OR7C1: variants seen among roughly 807,000 people sequenced by gnomAD.
The protein encoded by OR7C1 is olfactory receptor family 7 subfamily C member 1, also known as olfactory receptor 7C1.
For synonymous variants in OR7C1, 152 were observed against 160.7 expected, an observed-to-expected ratio of 0.95 and a Z score of 0.41; for missense variants, 324 against 383.3, an observed-to-expected ratio of 0.85 and a Z score of 1.29.
At chr19:14,815,216 G>A (rs769766192) in intron 1 of OR7C1, among the ~76,000 whole-genome samples, 63 of 152,314 alleles carry the variant, frequency 4.1e-4, no homozygotes, top group Admixed American at 7.2e-4. Flanking sequence ...ACTGTGGACT[G>A]GCTCTGGCTC....
intron 2 of OR7C1, among the ~76,000 whole-genome samples, chr19:14,805,673 C>T (rs2044663339): frequency 6.6e-6 from 1 of 151,852 alleles, no homozygotes; most frequent in Admixed American, 6.6e-5. Flanking sequence ...TCTCGGCCTC[C>T]CAAAGTGCTG....
At chr19:14,816,937 C>T (rs1008868132) in intron 1 of OR7C1, among the ~76,000 whole-genome samples, 1 of 152,030 alleles carries the variant, frequency 6.6e-6, no homozygotes, top group African/African-American at 2.4e-5. Flanking sequence ...TCCTTACTGT[C>T]CAGACAGGAG....
Position 14,815,784 on chromosome 19 carries a change from C to CGTGTGTGTGT in OR7C1, c.-622-5801_-622-5792dup, listed in dbSNP as rs34655691. Among the ~76,000 whole-genome samples the CGTGTGTGTGT allele has an allele frequency of 9.3e-4, 136 of 146,716 alleles. 1 individual carries two copies. Among genetic ancestry groups the CGTGTGTGTGT allele is most frequent in the African/African-American group, 3.0e-3 (120 of 39,772 alleles). On this transcript the variant is annotated intron_variant, in intron 1 of 4. Transcript: ENST00000641666. ...GTTTCCTTGAGTCTCTGAGTTTGTG[C>CGTGTGTGTGT]GTGTGTGTGTGTGTGTGTGTGTGTG...
chr19:14,832,788 TA>T (rs1446273464), intron 1 of OR7C1, among the ~76,000 whole-genome samples: 2 of 152,118 alleles, frequency 1.3e-5, no homozygotes, highest in Admixed American at 6.6e-5. Context: ...ATTATAAAAT[TA>T]GAAAGAATGG....
chr19:14,803,341 G>C (rs1329521757), intron 2 of OR7C1, among the ~76,000 whole-genome samples: 1 of 150,718 alleles, frequency 6.6e-6, no homozygotes, highest in African/African-American at 2.4e-5. Context: ...AGATTGGTTG[G>C]ACCAGGTGTG....
chr19:14,800,292 T>C (rs2044635240), exon 4 of OR7C1: 2 of 798,322 alleles, frequency 2.5e-6, no homozygotes, highest in Non-Finnish European at 3.9e-6. Flanking sequence ...CATCTGAAAT[T>C]CTTCCATCCT....
intron 1 of OR7C1, among the ~76,000 whole-genome samples, chr19:14,834,029 G>A (rs1486228734): frequency 8.0e-6 from 1 of 124,582 alleles, no homozygotes; most frequent in Non-Finnish European, 1.8e-5. Context: ...GGAGGCTGAG[G>A]CAAGTAAATT....
rs113251988 is a variant in OR7C1 at position 14,827,839 on chromosome 19, T to C, written c.-623+7235A>G. 1.9e-5 allele frequency: 31 copies of C among 1,614,180 alleles called. No individual in the cohort carries two copies. In the African/African-American group the frequency reaches 2.4e-4, roughly 12 times the overall value. ...AGTCCACAGAGGTGAGGGTTCATAA[T>C]GACCATGTAGTGCAGGGGGTGACAG... On this transcript the variant is annotated intron_variant, in intron 1 of 4. Transcript: ENST00000641666.
exon 5 of OR7C1, chr19:14,799,484 T>A: frequency 6.2e-7 from 1 of 1,614,046 alleles, no homozygotes; most frequent in East Asian, 2.2e-5. Context: ...AATTTTATAG[T>A]AAGAGAAAAA....
intron 2 of OR7C1, among the ~76,000 whole-genome samples, chr19:14,801,798 A>G (rs66664513): frequency 0.2 from 30,643 of 152,110 alleles, 3,277 homozygotes; most frequent in Admixed American, 0.24. Context: ...CAGCAGAGAG[A>G]GAGAGAGCGC....
chr19:14,833,463 G>C (rs1022171502), intron 1 of OR7C1, among the ~76,000 whole-genome samples: 1 of 152,172 alleles, frequency 6.6e-6, no homozygotes, highest in Admixed American at 6.5e-5. Flanking sequence ...TGGTTGACAG[G>C]GCGAGACTCC....
intron 1 of OR7C1, among the ~76,000 whole-genome samples, chr19:14,822,373 CTTTTTTTTTTTTTTTTTTT>C (rs1162241411): frequency 1.5e-5 from 1 of 67,694 alleles, no homozygotes; most frequent in Admixed American, 2.2e-4. Flanking sequence ...TATCTCCTGT[CTTTTTTTTTTTTTTTTTTT>C]TTTTTTTTTT....
chr19:14,830,653 A>G (rs1402215973), intron 1 of OR7C1, among the ~76,000 whole-genome samples: 1 of 152,206 alleles, frequency 6.6e-6, no homozygotes, highest in Non-Finnish European at 1.5e-5. Context: ...GTCGGTTTTA[A>G]TGATTATTAA....
At chr19:14,810,031 G>A (rs1316998764) in intron 1 of OR7C1, 38 bp from the exon 2 acceptor site, 2 of 151,906 alleles carry the variant, frequency 1.3e-5, no homozygotes, top group Non-Finnish European at 2.9e-5. Context: ...GAGAACCGGA[G>A]GCTGAATTCT....
At chr19:14,810,564 T>TTA (rs1555694762) in intron 1 of OR7C1, among the ~76,000 whole-genome samples, 1 of 148,852 alleles carries the variant, frequency 6.7e-6, no homozygotes, top group African/African-American at 2.5e-5. Flanking sequence ...TTTTTTTTTT[T>TTA]ATAGTGGAGA....
At chr19:14,803,715 A>C (rs918233665) in intron 2 of OR7C1, among the ~76,000 whole-genome samples, 1 of 147,172 alleles carries the variant, frequency 6.8e-6, no homozygotes, top group Non-Finnish European at 1.5e-5. Context: ...AATAATAATA[A>C]TTTTTTTTTT....
At chr19:14,801,584 T>G (rs1316917623) in intron 2 of OR7C1, among the ~76,000 whole-genome samples, 1 of 152,184 alleles carries the variant, frequency 6.6e-6, no homozygotes, top group Non-Finnish European at 1.5e-5. Context: ...CACAGAAACA[T>G]AGATAATACC....
exon 5 of OR7C1, chr19:14,799,960 C>T: frequency 6.2e-7 from 1 of 1,613,982 alleles, no homozygotes; most frequent in Non-Finnish European, 8.5e-7. Flanking sequence ...GGAAGAAGTA[C>T]ATGGGGGTGT....
intron 2 of OR7C1, among the ~76,000 whole-genome samples, chr19:14,803,450 T>C (rs1347406225): frequency 6.6e-6 from 1 of 152,086 alleles, no homozygotes; most frequent in African/African-American, 2.4e-5. Flanking sequence ...TTCTCCTTAC[T>C]GTACACGTGG....
Sources: gnomAD v4.1 joint callset for allele counts (sites outside exome capture counted in the v4.1 genomes callset) on GRCh38, gnomAD v4.1.1 for gene constraint, MANE v1.5 for transcripts, NCBI Gene and HGNC (gene_info 2026-07-23, HGNC 2026-07-21) for gene names.